Variants in SPINK6 observed in about 807,000 individuals in gnomAD.
SPINK6 encodes the protein serine peptidase inhibitor Kazal type 6, also known as serine protease inhibitor Kazal-type 6.
Under a neutral mutation model 11.7 loss-of-function variants are expected in SPINK6, and 13 were observed. That is an observed-to-expected ratio of 1.11 (90% confidence interval 0.72 to 1.76). The LOEUF (loss-of-function observed/expected upper bound fraction) is 1.76. SPINK6 is among the 40% of genes most tolerant of loss of function. The probability of loss-of-function intolerance (pLI) is 0.00; values close to 1 mark genes in which losing one functional copy is unlikely to be tolerated. For missense variants in SPINK6, 98 were observed against 93.7 expected, an observed-to-expected ratio of 1.05 and a Z score of -0.19; for synonymous variants, 21 against 31.9, an observed-to-expected ratio of 0.66 and a Z score of 1.15.
At chr5:148,207,591 G>A (rs904097708) in intron 2 of SPINK6, among the ~76,000 whole-genome samples, 1 of 152,144 alleles carries the variant, frequency 6.6e-6, no homozygotes, top group African/African-American at 2.4e-5. Flanking sequence ...AGCACTTGGG[G>A]AGGCCGAGGT....
At position 148,207,783 on chromosome 5, in the gene SPINK6, G is replaced by T. The variant is rs187904650; in HGVS notation, c.81+1725G>T. On this transcript the variant is annotated intron_variant, in intron 2 of 3. Transcript: ENST00000325630. ...GGTGGAGGTGCAGTGAGCCAAGATT[G>T]TGCCACTGCAGAGTGTTTTCTAAAG... Among the ~76,000 whole-genome samples, 6 of 152,238 alleles carry T rather than the reference G, an allele frequency of 3.9e-5. No individual in the cohort carries two copies. The East Asian group carries it at 1.2e-3, about 30-fold the overall frequency.
At chr5:148,209,997 C>CACGTACGTAA (rs1561732192) in intron 2 of SPINK6, among the ~76,000 whole-genome samples, 1 of 145,892 alleles carries the variant, frequency 6.9e-6, no homozygotes, top group Non-Finnish European at 1.5e-5. Flanking sequence ...TACATATACA[C>CACGTACGTAA]GTATGTATAC....
At chr5:148,213,251 G>T (rs1246105057) in intron 2 of SPINK6, among the ~76,000 whole-genome samples, 1 of 151,910 alleles carries the variant, frequency 6.6e-6, no homozygotes, top group Non-Finnish European at 1.5e-5. Context: ...TCAGTCTGTC[G>T]CCCAGGCTGG....
rs764535782 is a variant in SPINK6 at position 148,214,026 on chromosome 5, G to A, written c.197+1G>A. 9.6e-6 allele frequency: 15 copies of A among 1,566,948 alleles called. No individual in the cohort carries two copies. Among genetic ancestry groups the A allele is most frequent in the Non-Finnish European group, 1.2e-5 (14 of 1,137,282 alleles). On this transcript the variant is annotated splice_donor_variant, in intron 3 of 3. Transcript: ENST00000325630. LOFTEE classifies it high-confidence loss of function. ...AATGTGCCTTCTGTAAGGCCATAGT[G>A]TAAGTATTATATTCATCAAAGCTGA...
chr5:148,210,079 T>G lies in SPINK6; in HGVS notation c.82-3831T>G, dbSNP rs184951086. ...GTATGTATATGTATGTATGCATATA[T>G]GTATGCATGTTTACATGTATGTATG... On this transcript the variant is annotated intron_variant, in intron 2 of 3. Transcript: ENST00000325630. Among the ~76,000 whole-genome samples, 195 of 116,798 alleles carry G rather than the reference T, an allele frequency of 1.7e-3. 5 individuals are homozygous for G. The highest frequency in any genetic ancestry group is 4.9e-3 in the African/African-American group (183 of 37,532). The allele number at this position is 116,798 out of a possible 152,430, so 76.6% of individuals were successfully genotyped here.
intron 2 of SPINK6, among the ~76,000 whole-genome samples, chr5:148,207,781 T>C (rs554797189): frequency 6.6e-6 from 1 of 152,250 alleles, no homozygotes; most frequent in African/African-American, 2.4e-5. Context: ...TGAGCCAAGA[T>C]TGTGCCACTG....
chr5:148,205,866 T>TA (rs374061208), intron 1 of SPINK6, among the ~76,000 whole-genome samples, 170 bp from the exon 2 acceptor site: 345 of 140,500 alleles, frequency 2.5e-3, no homozygotes, highest in Middle Eastern at 7.2e-3. Flanking sequence ...GTGAGCAGAT[T>TA]AAAAAAAAAA....
At chr5:148,211,922 C>T (rs1755603672) in intron 2 of SPINK6, among the ~76,000 whole-genome samples, 1 of 152,122 alleles carries the variant, frequency 6.6e-6, no homozygotes, top group African/African-American at 2.4e-5. Context: ...AATTGATAAA[C>T]ACAAGACAGT....
In SPINK6 at chr5:148,203,154, G is replaced by T; in HGVS notation, c.58G>T (p.Gly20Cys). 1 of 1,608,240 alleles carries T rather than the reference G, an allele frequency of 6.2e-7. No homozygotes were observed. Among genetic ancestry groups the T allele is most frequent in the Non-Finnish European group, 8.5e-7 (1 of 1,178,104 alleles). ...TCTGGCTCTTTTCTGCTTTTTAACAGGTAAGTTTTTTCTTAAAATTAAGAT... is the reference window on the plus strand; with the variant it reads ...TCTGGCTCTTTTCTGCTTTTTAACATGTAAGTTTTTTCTTAAAATTAAGAT... ...LSLALFCFLT[G>C]VFSQGGQVDC... Residue 20 changes from glycine (G) to cysteine (C), a missense_variant and splice_region_variant, in exon 1 of 4, where the codon GGT (glycine) becomes TGT (cysteine). Gly to Cys is a radical substitution (Grantham distance 159). Coordinates refer to ENST00000325630, the MANE Select transcript of SPINK6 (RefSeq NM_205841.4).
intron 3 of SPINK6, among the ~76,000 whole-genome samples, chr5:148,214,509 A>C (rs979665239): frequency 1.3e-5 from 2 of 152,206 alleles, no homozygotes; most frequent in East Asian, 3.8e-4. Flanking sequence ...AGAGGGCTTG[A>C]ATGTGTCACC....
intron 2 of SPINK6, 58 bp downstream of exon 2, chr5:148,206,116 C>T (rs74829887): frequency 0.034 from 54,925 of 1,598,722 alleles, 1,403 homozygotes; most frequent in East Asian, 0.1. Context: ...TTGATCTTCA[C>T]TGGCCAAAAA....
In SPINK6 at chr5:148,215,075, G is replaced by T; in HGVS notation, c.*125G>T. ...CATACCTACTCTGCCTGGGTCTTGAGGAGTTCAATGTATGTCTATTTCTCT... is the reference window on the plus strand; with the variant it reads ...CATACCTACTCTGCCTGGGTCTTGATGAGTTCAATGTATGTCTATTTCTCT... On this transcript the variant is annotated 3_prime_UTR_variant, in exon 4 of 4. Transcript: ENST00000325630. 1.3e-6 allele frequency: 1 copy of T among 784,230 alleles called. No individual in the cohort carries two copies. The highest frequency in any genetic ancestry group is 1.7e-5 in the South Asian group (1 of 60,400). The allele number at this position is 784,230 out of a possible 1,614,324, so 48.6% of individuals were successfully genotyped here. A position where few individuals can be genotyped will look rare whatever the true frequency, so the allele number is the denominator to read the frequency against.
chr5:148,209,999 TATGTATAC>T lies in SPINK6; in HGVS notation c.82-3904_82-3897del, dbSNP rs1561732199. Among the ~76,000 whole-genome samples, 5 of 146,472 alleles carry T rather than the reference TATGTATAC, an allele frequency of 3.4e-5. 1 individual carries two copies. The highest frequency in any genetic ancestry group is 4.5e-5 in the Non-Finnish European group (3 of 66,696). Reference sequence around the variant, plus strand: ...ACGTATGTATGTATACATATACACGTATGTATACATGTATGTACGCATGTACGCATGCA... The same window carrying T: ...ACGTATGTATGTATACATATACACGTATGTATGTACGCATGTACGCATGCA... On this transcript the variant is annotated intron_variant, in intron 2 of 3. Transcript: ENST00000325630.
chr5:148,206,231 G>T (rs1273909456), intron 2 of SPINK6, among the ~76,000 whole-genome samples, 173 bp downstream of exon 2: 16 of 48,132 alleles, frequency 3.3e-4, no homozygotes, highest in Non-Finnish European at 1.0e-3. Context: ...CAGTTTAAAA[G>T]AACCTAACCA....
At chr5:148,210,784 T>C (rs1009665917) in intron 2 of SPINK6, among the ~76,000 whole-genome samples, 1 of 152,040 alleles carries the variant, frequency 6.6e-6, no homozygotes, top group Non-Finnish European at 1.5e-5. Flanking sequence ...GAGGAAATCA[T>C]AAAAGTTTTA....
At position 148,213,235 on chromosome 5, in the gene SPINK6, G is replaced by C. The variant is rs1581144051; in HGVS notation, c.82-675G>C. Among the ~76,000 whole-genome samples the C allele has an allele frequency of 2.7e-5, 4 of 150,628 alleles. No homozygotes were observed. The South Asian group carries it at 6.3e-4, about 24-fold the overall frequency. ...GTTTTTGTTTTTGTTTTTGTTTGACGGCGTCTCAGTCTGTCGCCCAGGCTG... is the reference window on the plus strand; with the variant it reads ...GTTTTTGTTTTTGTTTTTGTTTGACCGCGTCTCAGTCTGTCGCCCAGGCTG... On this transcript the variant is annotated intron_variant, in intron 2 of 3. Coordinates refer to ENST00000325630, the MANE Select transcript of SPINK6 (RefSeq NM_205841.4).
At position 148,215,129 on chromosome 5, in the gene SPINK6, G is replaced by A; in HGVS notation, c.*179G>A. 1.8e-6 allele frequency: 1 copy of A among 545,726 alleles called. No individual in the cohort carries two copies. The allele number at this position is 545,726 out of a possible 1,614,324, so 33.8% of individuals were successfully genotyped here. ...TTCACTTGTCAATAAAGTACATTCT[G>A]CAAAAGCATTGACTGTGTTCTTACT... On this transcript the variant is annotated 3_prime_UTR_variant, in exon 4 of 4. Coordinates refer to ENST00000325630, the MANE Select transcript of SPINK6 (RefSeq NM_205841.4).
intron 2 of SPINK6, among the ~76,000 whole-genome samples, chr5:148,209,978 A>ATACATACATACGTACGTG (rs1755552517): frequency 7.6e-6 from 1 of 130,770 alleles, no homozygotes; most frequent in African/African-American, 3.0e-5. Context: ...ATACGTACGT[A>ATACATACATACGTACGTG]TGTATGTATA....
intron 1 of SPINK6, among the ~76,000 whole-genome samples, chr5:148,204,820 C>T (rs955481083): frequency 6.6e-6 from 1 of 152,070 alleles, no homozygotes; most frequent in Non-Finnish European, 1.5e-5. Context: ...CCAATTCCTA[C>T]GTATGAGACA....
Sources: gnomAD v4.1 joint callset for allele counts (sites outside exome capture counted in the v4.1 genomes callset) on GRCh38, gnomAD v4.1.1 for gene constraint, MANE v1.5 for transcripts, NCBI Gene and HGNC (gene_info 2026-07-23, HGNC 2026-07-21) for gene names.